GRIN2B: variants seen among roughly 807,000 people sequenced by gnomAD.
GRIN2B encodes glutamate ionotropic receptor NMDA type subunit 2B.
A neutral mutation model predicts 114.5 loss-of-function variants in GRIN2B; 5 were observed. The ratio of observed to expected loss-of-function variants is 0.04; its 90% confidence interval spans 0.02 to 0.09. The LOEUF (loss-of-function observed/expected upper bound fraction) is 0.09, where lower values mean the gene tolerates loss of function less well. Ranked by LOEUF, GRIN2B falls within the 10% of genes least tolerant of loss-of-function variation. The probability of loss-of-function intolerance (pLI) is 1.00; values close to 1 mark genes in which losing one functional copy is unlikely to be tolerated. For missense variants in GRIN2B, 1,108 were observed against 1,943.5 expected, an observed-to-expected ratio of 0.57 and a Z score of 8.08; for synonymous variants, 787 against 745.1, an observed-to-expected ratio of 1.06 and a Z score of -0.92.
intron 2 of GRIN2B, among the ~76,000 whole-genome samples, chr12:13,962,785 A>AG (rs1867718849): frequency 1.3e-5 from 2 of 152,292 alleles, no homozygotes; most frequent in African/African-American, 4.8e-5. Flanking sequence ...AGAACTTCCC[A>AG]GGGGGGCAGA....
chr12:13,830,016 A>T (rs1377663219), intron 3 of GRIN2B, among the ~76,000 whole-genome samples: 1 of 151,928 alleles, frequency 6.6e-6, no homozygotes. Flanking sequence ...GTTCTAATCC[A>T]CTCTTTAAAG....
At chr12:13,606,385 C>T (rs1260223089) in intron 10 of GRIN2B, among the ~76,000 whole-genome samples, 1 of 152,012 alleles carries the variant, frequency 6.6e-6, no homozygotes, top group African/African-American at 2.4e-5. Context: ...AGGGGAGGTG[C>T]CAGACTCTTT....
intron 4 of GRIN2B, among the ~76,000 whole-genome samples, chr12:13,700,400 T>C (rs996212280): frequency 9.8e-5 from 15 of 152,322 alleles, no homozygotes; most frequent in Non-Finnish European, 2.1e-4. Context: ...TCATTAAAAA[T>C]GACTGCAATT....
chr12:13,647,620 C>T (rs182271451), intron 5 of GRIN2B, among the ~76,000 whole-genome samples: 1 of 152,140 alleles, frequency 6.6e-6, no homozygotes, highest in African/African-American at 2.4e-5. Context: ...GAATGCTGCC[C>T]ACCTCTTACC....
chr12:13,787,169 G>C (rs1387393155), intron 3 of GRIN2B, among the ~76,000 whole-genome samples: 3 of 152,194 alleles, frequency 2.0e-5, no homozygotes, highest in African/African-American at 7.2e-5. Flanking sequence ...TAGGCTAGGA[G>C]AAGTGGCCAC....
chr12:13,593,297 C>A (rs1401294605), intron 10 of GRIN2B, among the ~76,000 whole-genome samples: 1 of 152,200 alleles, frequency 6.6e-6, no homozygotes, highest in Non-Finnish European at 1.5e-5. Flanking sequence ...TCAAACTATA[C>A]TACAAGCCTA....
rs144649282 is a variant in GRIN2B at position 13,720,722 on chromosome 12, G to T, written c.1010+32595C>A. 4.8e-3 allele frequency among the ~76,000 whole-genome samples: 735 copies of T among 152,148 alleles called. 8 individuals carry two copies. The highest frequency in any genetic ancestry group is 0.017 in the African/African-American group (704 of 41,544). ...GAGGGGCTTCCAGAACTTCTATATA[G>T]AAAGAGCCTGAGTGGAGGTGTGAGG... On this transcript the variant is annotated intron_variant, in intron 4 of 13. Coordinates refer to ENST00000609686, the MANE Select transcript of GRIN2B (RefSeq NM_000834.5).
chr12:13,932,095 T>A (rs1349603774), intron 2 of GRIN2B, among the ~76,000 whole-genome samples: 1 of 152,220 alleles, frequency 6.6e-6, no homozygotes, highest in Non-Finnish European at 1.5e-5. Context: ...CCCTCATGAT[T>A]CAGTTCCTAT....
At chr12:13,889,434 A>T (rs1379451928) in intron 2 of GRIN2B, among the ~76,000 whole-genome samples, 5 of 152,232 alleles carry the variant, frequency 3.3e-5, no homozygotes, top group Non-Finnish European at 7.3e-5. Context: ...AATTTTAAGT[A>T]AGCACAATAT....
At chr12:13,604,023 C>T (rs763698414) in intron 10 of GRIN2B, among the ~76,000 whole-genome samples, 1 of 152,154 alleles carries the variant, frequency 6.6e-6, no homozygotes, top group African/African-American at 2.4e-5. Context: ...CCCTCCCTCA[C>T]TGGCCAAGCT....
chr12:13,618,082 T>C (rs183715848), intron 5 of GRIN2B, among the ~76,000 whole-genome samples: 42 of 152,366 alleles, frequency 2.8e-4, no homozygotes, highest in African/African-American at 9.1e-4. Flanking sequence ...TTGCTTTCCT[T>C]CATGTGTATA....
At chr12:13,842,594 C>T (rs554012665) in intron 3 of GRIN2B, among the ~76,000 whole-genome samples, 1 of 152,322 alleles carries the variant, frequency 6.6e-6, no homozygotes, top group Non-Finnish European at 1.5e-5. Flanking sequence ...ACATCTAACA[C>T]ATAAAGGATG....
At chr12:13,659,436 C>T (rs1171205001) in intron 5 of GRIN2B, among the ~76,000 whole-genome samples, 1 of 152,176 alleles carries the variant, frequency 6.6e-6, no homozygotes, top group Non-Finnish European at 1.5e-5. Flanking sequence ...TCCTACACCC[C>T]ATCACAGCTG....
intron 3 of GRIN2B, among the ~76,000 whole-genome samples, chr12:13,835,088 T>C (rs951349498): frequency 1.3e-5 from 2 of 152,216 alleles, no homozygotes; most frequent in African/African-American, 4.8e-5. Context: ...TCTCATTCTC[T>C]TTCTTTCCCC....
intron 5 of GRIN2B, among the ~76,000 whole-genome samples, chr12:13,650,985 C>T (rs1352409031): frequency 6.6e-6 from 1 of 152,032 alleles, no homozygotes; most frequent in African/African-American, 2.4e-5. Flanking sequence ...TTAGAGAATA[C>T]CATTTAACCT....
At chr12:13,950,423 A>G (rs1007005815) in intron 2 of GRIN2B, among the ~76,000 whole-genome samples, 4 of 152,240 alleles carry the variant, frequency 2.6e-5, no homozygotes, top group African/African-American at 9.6e-5. Flanking sequence ...AAGTTATTTC[A>G]TCTCTTTAAG....
chr12:13,672,469 G>A (rs78888569), intron 5 of GRIN2B, among the ~76,000 whole-genome samples: 1,861 of 152,226 alleles, frequency 0.012, 26 homozygotes, highest in African/African-American at 0.028. Context: ...AGCATTAGGC[G>A]TCTTGAGGAT....
chr12:13,643,141 T>G (rs1452014454), intron 5 of GRIN2B, among the ~76,000 whole-genome samples: 1 of 152,140 alleles, frequency 6.6e-6, no homozygotes, highest in African/African-American at 2.4e-5. Context: ...TTAGGAAATA[T>G]ATAAAGGCTA....
Position 13,556,391 on chromosome 12 carries a change from C to T in GRIN2B, c.*6392G>A, listed in dbSNP as rs1948479712. On this transcript the variant is annotated 3_prime_UTR_variant, in exon 14 of 14. Coordinates refer to ENST00000609686, the MANE Select transcript of GRIN2B (RefSeq NM_000834.5). ...ATATTCTACGTGAGTACAATATACTCCATTTTGAAACCTTTTATATCATTC... is the reference window on the plus strand; with the variant it reads ...ATATTCTACGTGAGTACAATATACTTCATTTTGAAACCTTTTATATCATTC... 6.6e-6 allele frequency: 1 copy of T among 152,076 alleles called. No individual in the cohort carries two copies. Among genetic ancestry groups the T allele is most frequent in the African/African-American group, 2.4e-5 (1 of 41,400 alleles). 9.4% of individuals were successfully genotyped at this position (152,076 alleles called of 1,614,324 possible). A position where few individuals can be genotyped will look rare whatever the true frequency, so the allele number is the denominator to read the frequency against.
Sources: gnomAD v4.1 joint callset for allele counts (sites outside exome capture counted in the v4.1 genomes callset) on GRCh38, gnomAD v4.1.1 for gene constraint, MANE v1.5 for transcripts, NCBI Gene and HGNC (gene_info 2026-07-23, HGNC 2026-07-21) for gene names.